HFM1: variants seen among roughly 807,000 people sequenced by gnomAD.
The protein encoded by HFM1 is helicase for meiosis 1, also known as probable ATP-dependent DNA helicase HFM1.
Under a neutral mutation model 192.1 loss-of-function variants are expected in HFM1, and 169 were observed. That is an observed-to-expected ratio of 0.88 (90% CI 0.78 to 1.00). The LOEUF (loss-of-function observed/expected upper bound fraction) is 1.00, where lower values mean the gene tolerates loss of function less well. Among genes scored for constraint, HFM1 ranks in the 50% least tolerant of loss-of-function variants. The pLI is 0.00. For missense variants in HFM1, 1,661 were observed against 1,668.0 expected (o/e 1.00, Z 0.07); for synonymous variants, 525 against 537.8 (o/e 0.98, Z 0.33).
intron 4 of HFM1, among the ~76,000 whole-genome samples, chr1:91,392,530 G>C (rs889303743): frequency 2.0e-5 from 3 of 152,104 alleles, no homozygotes; most frequent in Non-Finnish European, 4.4e-5. Flanking sequence ...CTCACTCATA[G>C]ATGGGAATTG....
intron 30 of HFM1, among the ~76,000 whole-genome samples, chr1:91,286,032 T>C (rs574716302): frequency 6.6e-6 from 1 of 152,296 alleles, no homozygotes; most frequent in African/African-American, 2.4e-5. Context: ...TGCTGGCAAT[T>C]TGGATGTGCC....
rs2101745893 is a variant in HFM1, at chr1:91,353,104, G to A, written c.1778C>T (p.Ser593Leu). Residue 593 changes from serine (S) to leucine (L), a missense_variant, in exon 15 of 39, where the codon TCA (serine) becomes TTA (leucine). Coordinates refer to ENST00000370425, the MANE Select transcript of HFM1 (RefSeq NM_001017975.6). Reference protein sequence around the residue: ...AAYHHAGMELSDRKVVEGAFT... With the variant: ...AAYHHAGMELLDRKVVEGAFT... ...AGCTCCCTCAACTACTTTTCTATCT[G>A]ACAGCTCCATACCAGCATGATGATA... 1 of 1,611,134 alleles carries A rather than the reference G, an allele frequency of 6.2e-7. No individual in the cohort carries two copies. Among genetic ancestry groups the A allele is most frequent in the East Asian group, 2.2e-5 (1 of 44,706 alleles).
chr1:91,270,820 G>C (rs573035268), intron 34 of HFM1, among the ~76,000 whole-genome samples: 118 of 152,176 alleles, frequency 7.8e-4, no homozygotes, highest in African/African-American at 2.8e-3. Context: ...CAGCTTCAAA[G>C]GACTGATACA....
intron 13 of HFM1, among the ~76,000 whole-genome samples, chr1:91,361,718 C>A (rs1437002052): frequency 1.3e-5 from 2 of 152,142 alleles, no homozygotes; most frequent in African/African-American, 2.4e-5. Flanking sequence ...CAGCATCATC[C>A]TGATACCAAA....
intron 6 of HFM1, among the ~76,000 whole-genome samples, chr1:91,381,973 G>A (rs1011797416): frequency 6.6e-6 from 1 of 151,818 alleles, no homozygotes; most frequent in Admixed American, 6.6e-5. Context: ...CCACATGATC[G>A]TCTCCCCACT....
intron 30 of HFM1, among the ~76,000 whole-genome samples, chr1:91,300,031 C>G (rs531898615): frequency 6.6e-6 from 1 of 151,442 alleles, no homozygotes; most frequent in East Asian, 1.9e-4. Context: ...ATTGATAGAC[C>G]GCTAGCAAGA....
At chr1:91,322,498 G>A (rs979794893) in intron 23 of HFM1, among the ~76,000 whole-genome samples, 2 of 152,086 alleles carry the variant, frequency 1.3e-5, no homozygotes, top group Admixed American at 1.3e-4. Flanking sequence ...TCAATTACTA[G>A]TCTCTGTACA....
chr1:91,284,236 A>ATTC (rs899520553), intron 30 of HFM1, among the ~76,000 whole-genome samples: 2 of 150,704 alleles, frequency 1.3e-5, no homozygotes, highest in African/African-American at 4.8e-5. Context: ...TATTATTATT[A>ATTC]TTATATTATT....
intron 13 of HFM1, among the ~76,000 whole-genome samples, chr1:91,364,912 C>T (rs1337689683): frequency 2.0e-5 from 3 of 151,682 alleles, no homozygotes; most frequent in Non-Finnish European, 4.4e-5. Flanking sequence ...GGACTACAGG[C>T]GTGAGCCACC....
chr1:91,375,306 T>C (rs1259693541), intron 13 of HFM1, 52 bp downstream of exon 13: 8 of 1,297,912 alleles, frequency 6.2e-6, no homozygotes, highest in Middle Eastern at 2.5e-4. Flanking sequence ...TCATGTCATC[T>C]AGATGAGCCC....
chr1:91,329,097 A>G, intron 20 of HFM1: 1 of 1,610,166 alleles, frequency 6.2e-7, no homozygotes, highest in South Asian at 1.1e-5. Context: ...TATCTGGAGT[A>G]TTGGGCCCAA....
intron 28 of HFM1, among the ~76,000 whole-genome samples, chr1:91,315,573 T>TCA (rs979440957): frequency 1.3e-5 from 2 of 152,202 alleles, no homozygotes; most frequent in Non-Finnish European, 2.9e-5. Flanking sequence ...CTCACTTGTT[T>TCA]CAGATCATGG....
intron 18 of HFM1, among the ~76,000 whole-genome samples, chr1:91,348,352 T>C (rs925921456): frequency 1.3e-5 from 2 of 152,136 alleles, no homozygotes; most frequent in African/African-American, 2.4e-5. Flanking sequence ...AAACAAAATA[T>C]GGCACTTTTG....
chr1:91,361,349 A>C (rs896742925), intron 13 of HFM1, among the ~76,000 whole-genome samples: 1 of 152,176 alleles, frequency 6.6e-6, no homozygotes, highest in Admixed American at 6.5e-5. Flanking sequence ...AAATAAACAC[A>C]ATCAGAAATG....
At chr1:91,322,914 AAAAAG>A in intron 23 of HFM1, 31 bp downstream of exon 23, 1 of 1,042,904 alleles carries the variant, frequency 9.6e-7, no homozygotes, top group Admixed American at 3.3e-5. Flanking sequence ...TTAAAACCAA[AAAAAG>A]AAAACTTTCA....
chr1:91,353,896 A>C (rs1255804803), intron 13 of HFM1, among the ~76,000 whole-genome samples: 24 of 149,484 alleles, frequency 1.6e-4, no homozygotes, highest in African/African-American at 5.9e-4. Flanking sequence ...AGTTGTGCAG[A>C]CATCAATAGA....
At chr1:91,338,056 A>G (rs766240875) in intron 20 of HFM1, among the ~76,000 whole-genome samples, 55 of 152,306 alleles carry the variant, frequency 3.6e-4, no homozygotes, top group Admixed American at 9.2e-4. Context: ...ACCAGGACTC[A>G]TTCCCAGCCC....
At chr1:91,312,060 C>T (rs1196473938) in intron 30 of HFM1, among the ~76,000 whole-genome samples, 1 of 152,140 alleles carries the variant, frequency 6.6e-6, no homozygotes, top group Non-Finnish European at 1.5e-5. Flanking sequence ...GGAACCTCCA[C>T]CTGGATTTCA....
chr1:91,391,808 C>T (rs532863481), intron 4 of HFM1, among the ~76,000 whole-genome samples: 2 of 152,214 alleles, frequency 1.3e-5, no homozygotes, highest in African/African-American at 4.8e-5. Flanking sequence ...TCAGAGTGAA[C>T]AGGCAACCAA....
Sources: allele counts gnomAD v4.1 joint callset (sites outside exome capture counted in the v4.1 genomes callset), GRCh38; gene constraint gnomAD v4.1.1; transcripts MANE v1.5; gene names NCBI Gene and HGNC (gene_info 2026-07-23, HGNC 2026-07-21).